RALGAPA2: variants seen among roughly 807,000 people sequenced by gnomAD.
The protein encoded by RALGAPA2 is ral GTPase-activating protein subunit alpha-2.
Under a neutral mutation model 230.4 loss-of-function variants are expected in RALGAPA2, and 139 were observed. The observed-to-expected ratio is 0.60, with a 90% CI of 0.53 to 0.69. The LOEUF is 0.69. Among genes scored for constraint, RALGAPA2 ranks in the 30% least tolerant of loss-of-function variants. The pLI, the probability that RALGAPA2 is intolerant of heterozygous loss-of-function variation, is 0.00. For missense variants in RALGAPA2, 2,163 were observed against 2,276.0 expected (o/e 0.95, Z 1.01); for synonymous variants, 847 against 837.8 (o/e 1.01, Z -0.19).
At chr20:20,428,046 A>G (rs1253783324) in intron 37 of RALGAPA2, among the ~76,000 whole-genome samples, 2 of 152,220 alleles carry the variant, frequency 1.3e-5, no homozygotes, top group Non-Finnish European at 2.9e-5. Flanking sequence ...CATGCTTTAA[A>G]AATAAAATTT....
intron 23 of RALGAPA2, among the ~76,000 whole-genome samples, chr20:20,553,912 C>A (rs1340718027): frequency 1.3e-5 from 2 of 152,178 alleles, no homozygotes; most frequent in African/African-American, 2.4e-5. Context: ...ATTTAAGGAA[C>A]AATGTACATG....
At chr20:20,710,970 C>T (rs1383060419) in intron 1 of RALGAPA2, among the ~76,000 whole-genome samples, 2 of 152,178 alleles carry the variant, frequency 1.3e-5, no homozygotes, top group South Asian at 4.1e-4. Context: ...TATTGTGCAA[C>T]CTGTGCGTGC....
chr20:20,692,242 T>C (rs1254621082), intron 1 of RALGAPA2, among the ~76,000 whole-genome samples: 1 of 152,260 alleles, frequency 6.6e-6, no homozygotes, highest in Non-Finnish European at 1.5e-5. Flanking sequence ...GTTTGTTTCT[T>C]ACATACAATT....
chr20:20,494,994 T>C, intron 36 of RALGAPA2, 123 bp downstream of exon 36: 2 of 855,866 alleles, frequency 2.3e-6, no homozygotes, highest in South Asian at 2.5e-5. Flanking sequence ...TTCAGATATA[T>C]GTAAGACATT....
intron 23 of RALGAPA2, among the ~76,000 whole-genome samples, chr20:20,568,457 C>T (rs2064520194): frequency 6.6e-6 from 1 of 152,130 alleles, no homozygotes; most frequent in African/African-American, 2.4e-5. Flanking sequence ...TTTTAAGATA[C>T]AAATGGTCAT....
chr20:20,493,557 T>A (rs2062122006), intron 36 of RALGAPA2, among the ~76,000 whole-genome samples: 1 of 152,230 alleles, frequency 6.6e-6, no homozygotes, highest in Non-Finnish European at 1.5e-5. Flanking sequence ...ATGGCTTGCA[T>A]GTTTTTTACT....
intron 15 of RALGAPA2, among the ~76,000 whole-genome samples, chr20:20,604,489 T>C (rs1426530066): frequency 6.6e-6 from 1 of 152,234 alleles, no homozygotes; most frequent in Non-Finnish European, 1.5e-5. Flanking sequence ...CTTAATAGTG[T>C]GACATCTTGA....
intron 23 of RALGAPA2, among the ~76,000 whole-genome samples, chr20:20,570,134 T>G (rs866854202): frequency 6.6e-6 from 1 of 152,160 alleles, no homozygotes. Context: ...ATCTAGGAAA[T>G]AAATGAGATT....
intron 37 of RALGAPA2, among the ~76,000 whole-genome samples, chr20:20,412,848 C>G (rs983234455): frequency 6.6e-6 from 1 of 152,206 alleles, no homozygotes; most frequent in Non-Finnish European, 1.5e-5. Flanking sequence ...AAGCGTAACA[C>G]ACTGAAGCAA....
intron 36 of RALGAPA2, among the ~76,000 whole-genome samples, chr20:20,474,535 G>A (rs532482650): frequency 9.8e-5 from 15 of 152,314 alleles, no homozygotes; most frequent in African/African-American, 3.4e-4. Flanking sequence ...GCAAGAGATG[G>A]TGGTAATGGC....
intron 13 of RALGAPA2, among the ~76,000 whole-genome samples, chr20:20,613,530 C>G (rs116306895): frequency 6.6e-6 from 1 of 152,328 alleles, no homozygotes; most frequent in African/African-American, 2.4e-5. Flanking sequence ...ATGTCACAAT[C>G]TTGCAGGCAC....
At chr20:20,492,228 GATTAAA>G (rs2123573756) in intron 36 of RALGAPA2, among the ~76,000 whole-genome samples, 1 of 152,154 alleles carries the variant, frequency 6.6e-6, no homozygotes, top group African/African-American at 2.4e-5. Flanking sequence ...CCCAAAAAAG[GATTAAA>G]ATTATTCTTA....
At chr20:20,549,225 T>C (rs138348945) in intron 23 of RALGAPA2, among the ~76,000 whole-genome samples, 232 of 152,316 alleles carry the variant, frequency 1.5e-3, no homozygotes, top group African/African-American at 5.4e-3. Context: ...CATTTTGCAT[T>C]GTAAGATTTG....
At position 20,398,886 on chromosome 20, in the gene RALGAPA2, T is replaced by A. The variant is rs1450303642; in HGVS notation, c.5618-2152A>T. On this transcript the variant is annotated intron_variant, in intron 38 of 39. Coordinates refer to ENST00000202677, the MANE Select transcript of RALGAPA2 (RefSeq NM_020343.4). The surrounding 1 kb of genome is among the most constrained non-coding windows in gnomAD (Gnocchi z 4.5). Reference sequence around the variant, plus strand: ...CAGCATGCAGTCTAATGAGGGGATATCACCCCTTGGGGTGGCAAAATAGCC... The same window carrying A: ...CAGCATGCAGTCTAATGAGGGGATAACACCCCTTGGGGTGGCAAAATAGCC... Among the ~76,000 whole-genome samples, 1 of 152,150 alleles carries A rather than the reference T, an allele frequency of 6.6e-6. No individual in the cohort carries two copies. The highest frequency in any genetic ancestry group is 1.5e-5 in the Non-Finnish European group (1 of 68,028).
intron 23 of RALGAPA2, among the ~76,000 whole-genome samples, chr20:20,551,796 T>C (rs1212769835): frequency 6.6e-6 from 1 of 152,256 alleles, no homozygotes; most frequent in African/African-American, 2.4e-5. Flanking sequence ...TCCCTTATAA[T>C]TGACCTTTAG....
At chr20:20,488,543 T>C (rs2061971762) in intron 36 of RALGAPA2, among the ~76,000 whole-genome samples, 1 of 152,248 alleles carries the variant, frequency 6.6e-6, no homozygotes, top group Admixed American at 6.5e-5. Context: ...TGCCTGGTCA[T>C]TTCAATTCTC....
At chr20:20,397,929 C>T (rs1325238521) in intron 38 of RALGAPA2, among the ~76,000 whole-genome samples, 3 of 152,154 alleles carry the variant, frequency 2.0e-5, no homozygotes, top group African/African-American at 2.4e-5. Flanking sequence ...CCGTTAACAC[C>T]GTTCCTTCTC....
At chr20:20,535,333 G>A (rs1277034877) in intron 26 of RALGAPA2, among the ~76,000 whole-genome samples, 1 of 152,200 alleles carries the variant, frequency 6.6e-6, no homozygotes, top group Non-Finnish European at 1.5e-5. Flanking sequence ...ATGCCTGGCA[G>A]AAGCAGCCAG....
Position 20,639,765 on chromosome 20 carries a change from A to G in RALGAPA2, c.666+20T>C, listed in dbSNP as rs767517332. On this transcript the variant is annotated intron_variant, in intron 7 of 39. Transcript: ENST00000202677. Reference sequence around the variant, plus strand: ...CTGAGAATAAACCCATCACTGAAATAGTCATAATTTTTCTCTGACCTGAAT... The same window carrying G: ...CTGAGAATAAACCCATCACTGAAATGGTCATAATTTTTCTCTGACCTGAAT... The G allele has an allele frequency of 6.7e-7, 1 of 1,485,964 alleles. No homozygotes were observed. Among genetic ancestry groups the G allele is most frequent in the Non-Finnish European group, 9.4e-7 (1 of 1,063,830 alleles). The allele number at this position is 1,485,964 out of a possible 1,614,324, so 92.0% of individuals were successfully genotyped here. A position where few individuals can be genotyped will look rare whatever the true frequency, so the allele number is the denominator to read the frequency against.
Sources: gnomAD v4.1 joint callset for allele counts (sites outside exome capture counted in the v4.1 genomes callset) on GRCh38, gnomAD v4.1.1 for gene constraint, Gnocchi (gnomAD v3.1) non-coding constraint, MANE v1.5 for transcripts, NCBI Gene and HGNC (gene_info 2026-07-23, HGNC 2026-07-21) for gene names.